Variants in RAB38 observed in about 807,000 individuals in gnomAD.
RAB38 encodes RAB38, member RAS oncogene family.
RAB38 carries 15 observed loss-of-function variants against 18.4 expected under a neutral mutation model. The ratio of observed to expected loss-of-function variants is 0.82; its 90% confidence interval spans 0.55 to 1.26. The LOEUF (loss-of-function observed/expected upper bound fraction) is 1.26, where lower values mean the gene tolerates loss of function less well. Among genes scored for constraint, RAB38 ranks in the 50% most tolerant of loss-of-function variants. The pLI is 0.00. For missense variants in RAB38, 294 were observed against 267.4 expected, an observed-to-expected ratio of 1.10 and a Z score of -0.69; for synonymous variants, 101 against 104.4, an observed-to-expected ratio of 0.97 and a Z score of 0.20.
chr11:87,943,594 G>GAAAAT, the RAB38 span, among the ~76,000 whole-genome samples: 1 of 152,152 alleles, frequency 6.6e-6, no homozygotes, highest in Non-Finnish European at 1.5e-5. Flanking sequence ...TAATGGTTAT[G>GAAAAT]AAAATAACTG....
In RAB38 at chr11:88,175,436, C is replaced by A. The variant is rs775674101; in HGVS notation, c.-52G>T. ...CCTGACCAGGGAAGCGCAGCCTGGGCTCTGCGCACGAGAGAGACTTGGGGA... is the reference window on the plus strand; with the variant it reads ...CCTGACCAGGGAAGCGCAGCCTGGGATCTGCGCACGAGAGAGACTTGGGGA... On this transcript the variant is annotated 5_prime_UTR_variant, in exon 1 of 3. Transcript: ENST00000243662. The A allele has an allele frequency of 1.9e-6, 3 of 1,570,964 alleles. No individual in the cohort carries two copies. The highest frequency in any genetic ancestry group is 2.6e-6 in the Non-Finnish European group (3 of 1,149,540).
the RAB38 span, among the ~76,000 whole-genome samples, chr11:87,812,713 T>C: frequency 6.6e-5 from 10 of 152,348 alleles, no homozygotes; most frequent in South Asian, 1.9e-3. Flanking sequence ...CAGAATAGAC[T>C]TCTTGGCTTT....
At chr11:88,040,108 G>C in the RAB38 span, among the ~76,000 whole-genome samples, 1 of 152,212 alleles carries the variant, frequency 6.6e-6, no homozygotes, top group African/African-American at 2.4e-5. Context: ...CCCCAAGAGA[G>C]ACACTCTACA....
the RAB38 span, among the ~76,000 whole-genome samples, chr11:87,918,339 C>A: frequency 6.6e-6 from 1 of 151,988 alleles, no homozygotes; most frequent in African/African-American, 2.4e-5. Flanking sequence ...AATAATGCTG[C>A]GATGAACGTG....
chr11:88,070,420 C>T, the RAB38 span, among the ~76,000 whole-genome samples: 1 of 152,208 alleles, frequency 6.6e-6, no homozygotes, highest in Non-Finnish European at 1.5e-5. Flanking sequence ...ACACTCACCG[C>T]GAGGGTCCGC....
At chr11:87,900,661 T>TAGGA in the RAB38 span, among the ~76,000 whole-genome samples, 20,468 of 131,090 alleles carry the variant, frequency 0.16, 1,656 homozygotes, top group Middle Eastern at 0.22. Context: ...GAAAGAAAGG[T>TAGGA]AGGAAGGAAG....
At chr11:87,928,154 G>T in the RAB38 span, among the ~76,000 whole-genome samples, 1 of 151,878 alleles carries the variant, frequency 6.6e-6, no homozygotes, top group African/African-American at 2.4e-5. Context: ...TTTTCCAGTT[G>T]GGCTAAATGA....
the RAB38 span, among the ~76,000 whole-genome samples, chr11:87,906,548 C>G: frequency 6.6e-6 from 1 of 151,830 alleles, no homozygotes; most frequent in Non-Finnish European, 1.5e-5. Context: ...AAGTTAAAAG[C>G]TAAAATCTTT....
chr11:87,895,647 C>T, the RAB38 span, among the ~76,000 whole-genome samples: 2 of 151,614 alleles, frequency 1.3e-5, no homozygotes, highest in Non-Finnish European at 3.0e-5. Flanking sequence ...ATACTACTTC[C>T]ACTGCACCGG....
At chr11:87,914,004 A>T in the RAB38 span, among the ~76,000 whole-genome samples, 291 of 152,246 alleles carry the variant, frequency 1.9e-3, no homozygotes, top group African/African-American at 6.8e-3. Flanking sequence ...CAGAAAACAG[A>T]GTAAGGTAGA....
At chr11:87,978,022 TACTTACAC>T in the RAB38 span, among the ~76,000 whole-genome samples, 2 of 91,806 alleles carry the variant, frequency 2.2e-5, no homozygotes, top group Non-Finnish European at 4.2e-5. Flanking sequence ...TATAAATATA[TACTTACAC>T]ATACATAATA....
the RAB38 span, among the ~76,000 whole-genome samples, chr11:87,969,409 A>C: frequency 3.3e-5 from 5 of 152,170 alleles, no homozygotes; most frequent in Admixed American, 3.3e-4. Context: ...AGGTGGCAGT[A>C]GGTTGACTAT....
the RAB38 span, among the ~76,000 whole-genome samples, chr11:88,090,040 G>C: frequency 6.6e-6 from 1 of 151,872 alleles, no homozygotes; most frequent in African/African-American, 2.4e-5. Flanking sequence ...AGCCTTCTAG[G>C]GGGAGCAGCT....
chr11:88,135,518 T>A (rs981542535), intron 2 of RAB38, among the ~76,000 whole-genome samples: 7 of 152,232 alleles, frequency 4.6e-5, no homozygotes, highest in African/African-American at 1.4e-4. Context: ...TCCATGCAAA[T>A]GGTAGAGAAG....
At chr11:87,864,369 C>T in the RAB38 span, among the ~76,000 whole-genome samples, 28 of 150,500 alleles carry the variant, frequency 1.9e-4, no homozygotes, top group African/African-American at 6.1e-4. Context: ...ATACAATTCT[C>T]CCTCTACTGG....
At chr11:87,851,890 A>C in the RAB38 span, among the ~76,000 whole-genome samples, 1 of 152,154 alleles carries the variant, frequency 6.6e-6, no homozygotes, top group South Asian at 2.1e-4. Context: ...ACTAACAAAA[A>C]CAGATTAACA....
the RAB38 span, among the ~76,000 whole-genome samples, chr11:88,055,690 G>A: frequency 1.3e-5 from 2 of 152,140 alleles, no homozygotes; most frequent in Non-Finnish European, 2.9e-5. Context: ...TTTCAAGCTG[G>A]GAAAACTTGG....
At chr11:87,836,711 T>C in the RAB38 span, among the ~76,000 whole-genome samples, 954 of 152,320 alleles carry the variant, frequency 6.3e-3, 10 homozygotes, top group Admixed American at 0.012. Flanking sequence ...TTTTGTGGCA[T>C]AGTTTACTCA....
chr11:88,105,106 T>A, the RAB38 span, among the ~76,000 whole-genome samples: 1 of 152,122 alleles, frequency 6.6e-6, no homozygotes, highest in Non-Finnish European at 1.5e-5. Flanking sequence ...GATTAAAGCA[T>A]TTTCATATTA....
Sources: allele counts gnomAD v4.1 joint callset (sites outside exome capture counted in the v4.1 genomes callset), GRCh38; gene constraint gnomAD v4.1.1; transcripts MANE v1.5; gene names NCBI Gene and HGNC (gene_info 2026-07-23, HGNC 2026-07-21).